The following DGCR8 variants were observed in gnomAD, a reference collection of about 807,000 sequenced individuals.
DGCR8 encodes DGCR8 microprocessor complex subunit.
Under a neutral mutation model 78.5 loss-of-function variants are expected in DGCR8, and 14 were observed. That is an observed-to-expected ratio of 0.18 (90% CI 0.12 to 0.28). The LOEUF is 0.28. Ranked by LOEUF, DGCR8 falls within the 10% of genes least tolerant of loss-of-function variation. The probability of loss-of-function intolerance (pLI) is 1.00; values close to 1 mark genes in which losing one functional copy is unlikely to be tolerated. For missense variants in DGCR8, 702 were observed against 1,022.5 expected, an observed-to-expected ratio of 0.69 and a Z score of 4.28; for synonymous variants, 399 against 402.4, an observed-to-expected ratio of 0.99 and a Z score of 0.10.
Position 20,108,877 on chromosome 22 carries a change from C to A in DGCR8, c.2125-13C>A, listed in dbSNP as rs1354053117. The A allele has an allele frequency of 4.9e-6, 7 of 1,420,372 alleles. No individual in the cohort carries two copies. The highest frequency in any genetic ancestry group is 3.4e-5 in the Admixed American group (2 of 59,452). 88.0% of individuals were successfully genotyped at this position (1,420,372 alleles called of 1,614,324 possible). A position where few individuals can be genotyped will look rare whatever the true frequency, so the allele number is the denominator to read the frequency against. On this transcript the variant is annotated splice_polypyrimidine_tract_variant and intron_variant, in intron 12 of 13. Coordinates refer to ENST00000351989, the MANE Select transcript of DGCR8 (RefSeq NM_022720.7). ...AGCCTGCAGTCCTGAGCGTGAGGTG[C>A]TATACTTCCCAGGAGACATCGGACA...
intron 9 of DGCR8, among the ~76,000 whole-genome samples, chr22:20,099,048 G>T (rs7288396): frequency 0.13 from 19,999 of 152,130 alleles, 1,712 homozygotes; most frequent in Non-Finnish European, 0.19. Context: ...AGGGATTTTC[G>T]TAAATTCCCT....
At chr22:20,084,875 G>GA (rs2049460625) in intron 1 of DGCR8, 1 of 604,422 alleles carries the variant, frequency 1.7e-6, no homozygotes. Flanking sequence ...ACAGCTGTGG[G>GA]TCTCCCCTCT....
At chr22:20,093,042 TCTA>T in intron 8 of DGCR8, 135 bp downstream of exon 8, 1 of 612,782 alleles carries the variant, frequency 1.6e-6, no homozygotes, top group Non-Finnish European at 2.8e-6. Context: ...TATGTAATCA[TCTA>T]CTTTGATTTT....
At chr22:20,091,723 C>A (rs761659120) in intron 6 of DGCR8, 91 bp downstream of exon 6, 3 of 1,545,024 alleles carry the variant, frequency 1.9e-6, no homozygotes, top group South Asian at 1.1e-5. Context: ...AGTTGCATTT[C>A]GTTCAAAGTT....
chr22:20,080,634 A>C (rs2049407396), intron 1 of DGCR8: 3 of 344,600 alleles, frequency 8.7e-6, no homozygotes, highest in African/African-American at 2.2e-5. Flanking sequence ...CCGGGTAAAG[A>C]GGCTCCTCTC....
rs765820841 is a variant in DGCR8 at position 20,087,262 on chromosome 22, C to T, written c.821C>T (p.Pro274Leu). The T allele has an allele frequency of 3.7e-5, 60 of 1,613,830 alleles. 1 individual carries two copies. The highest frequency in any genetic ancestry group is 2.9e-4 in the African/African-American group (22 of 74,906). The change falls in exon 3 of 14, where the codon CCG becomes CTG. Residue 274 changes from proline (P) to leucine (L), a missense_variant. Coordinates refer to ENST00000351989, the MANE Select transcript of DGCR8 (RefSeq NM_022720.7). This position sits in a 1 kb window ranked among gnomAD's most constrained non-coding sequence, Gnocchi z 4.1. ...EEKYGGDSDHPSDGETSVQPM... is the reference protein window; with the variant it reads ...EEKYGGDSDHLSDGETSVQPM... The stretch of plus-strand genomic sequence containing the variant: ...AAATATGGCGGAGACAGCGACCATC[C>T]GTCCGATGGAGAGACAAGTGTGCAG...
intron 9 of DGCR8, chr22:20,096,517 A>G (rs1366040289): frequency 1.0e-6 from 1 of 979,296 alleles, no homozygotes; most frequent in African/African-American, 1.8e-5. Context: ...TATTTATATA[A>G]TAGCTTTATT....
At position 20,111,402 on chromosome 22, in the gene DGCR8, T is replaced by C; in HGVS notation, c.*1294T>C. ...TTCTGTCAGGAAAACAATGTTGGCC[T>C]GTGGGCCGCCCACAACATATCCTTC... On this transcript the variant is annotated 3_prime_UTR_variant, in exon 14 of 14. Transcript: ENST00000351989. 5.0e-6 allele frequency: 2 copies of C among 396,616 alleles called. No homozygotes were observed. Among genetic ancestry groups the C allele is most frequent in the East Asian group, 7.2e-5 (2 of 27,754 alleles). 24.6% of individuals were successfully genotyped at this position (396,616 alleles called of 1,614,324 possible).
At chr22:20,093,126 C>T (rs1484756187) in intron 8 of DGCR8, among the ~76,000 whole-genome samples, 1 of 151,840 alleles carries the variant, frequency 6.6e-6, no homozygotes, top group African/African-American at 2.4e-5. Flanking sequence ...AAGGCCTCGG[C>T]CGGGCGTGGT....
At chr22:20,084,292 C>G (rs943659747) in intron 1 of DGCR8, among the ~76,000 whole-genome samples, 2 of 152,172 alleles carry the variant, frequency 1.3e-5, no homozygotes, top group Admixed American at 6.5e-5. Flanking sequence ...TCATGCAGTG[C>G]GGTTTGCATG....
At chr22:20,108,689 C>T in intron 12 of DGCR8, 1 of 439,078 alleles carries the variant, frequency 2.3e-6, no homozygotes, top group South Asian at 2.2e-5. Context: ...GCCCCTCGCT[C>T]TCTGCTGCTG....
At chr22:20,106,512 G>A (rs1185286262) in intron 10 of DGCR8, 80 bp from the exon 11 acceptor site, 28 of 1,075,632 alleles carry the variant, frequency 2.6e-5, no homozygotes, top group Non-Finnish European at 3.7e-5. Flanking sequence ...TTTCCTAAGG[G>A]CTTCCCAGAG....
chr22:20,107,207 A>C, intron 11 of DGCR8, 64 bp from the exon 12 acceptor site: 1 of 1,605,840 alleles, frequency 6.2e-7, no homozygotes, highest in Non-Finnish European at 8.5e-7. Context: ...TGGGAGCGGC[A>C]GGGGGCCCCA....
chr22:20,092,001 A>C, intron 7 of DGCR8, 31 bp downstream of exon 7: 2 of 1,559,036 alleles, frequency 1.3e-6, no homozygotes, highest in Non-Finnish European at 1.8e-6. Context: ...TTCAGTCCTA[A>C]AGAATCACAA....
At chr22:20,095,282 T>C (rs949085778) in intron 9 of DGCR8, among the ~76,000 whole-genome samples, 1 of 151,904 alleles carries the variant, frequency 6.6e-6, no homozygotes. Flanking sequence ...ATTTTTGTAT[T>C]TTTAGTAGAG....
intron 9 of DGCR8, chr22:20,101,772 C>T: frequency 1.0e-6 from 1 of 985,362 alleles, no homozygotes; most frequent in South Asian, 4.7e-5. Flanking sequence ...CCCCCTGCTC[C>T]TCCCAGCTGC....
Position 20,106,761 on chromosome 22 carries a change from G to A in DGCR8, c.1996+63G>A, listed in dbSNP as rs931498983. ...CGGGCGGCCCCTGGTGTGGCCCTGC[G>A]CCTCTGTGGCTTGGTCTCAGCTGTT... On this transcript the variant is annotated intron_variant, in intron 11 of 13. Coordinates refer to ENST00000351989, the MANE Select transcript of DGCR8 (RefSeq NM_022720.7). 38 of 1,167,616 alleles carry A rather than the reference G, an allele frequency of 3.3e-5. 1 individual carries two copies. The highest frequency in any genetic ancestry group is 2.6e-4 in the South Asian group (21 of 81,402). The allele number at this position is 1,167,616 out of a possible 1,614,324, so 72.3% of individuals were successfully genotyped here.
intron 9 of DGCR8, chr22:20,096,527 T>G (rs991730459): frequency 2.1e-6 from 2 of 970,020 alleles, no homozygotes; most frequent in African/African-American, 3.5e-5. Context: ...ATAGCTTTAT[T>G]GAGATAGTTT....
chr22:20,110,451 A>G lies in DGCR8; in HGVS notation c.*343A>G, dbSNP rs1472528031. ...AGGCTTTCATGAATTTTAGTATGTA[A>G]TACGCACTGACGACACATGATGCTT... is the stretch of plus-strand genomic sequence containing the variant. On this transcript the variant is annotated 3_prime_UTR_variant, in exon 14 of 14. Transcript: ENST00000351989. 2.1e-5 allele frequency: 5 copies of G among 241,394 alleles called. No homozygotes were observed. The highest frequency in any genetic ancestry group is 5.4e-5 in the Admixed American group (1 of 18,510). The allele number at this position is 241,394 out of a possible 1,614,324, so 15.0% of individuals were successfully genotyped here.
Sources: allele counts gnomAD v4.1 joint callset (sites outside exome capture counted in the v4.1 genomes callset), GRCh38; gene constraint gnomAD v4.1.1; non-coding constraint Gnocchi (gnomAD v3.1); transcripts MANE v1.5; gene names NCBI Gene and HGNC (gene_info 2026-07-23, HGNC 2026-07-21).